The following TBCK variants were observed in gnomAD, a reference collection of about 807,000 sequenced individuals.
TBCK encodes TBC1 domain containing kinase, also known as TBC domain-containing protein kinase-like protein.
In TBCK, 99 loss-of-function variants were observed where a neutral mutation model predicts 113.4. That is an observed-to-expected ratio of 0.87 (90% CI 0.74 to 1.03). The LOEUF (loss-of-function observed/expected upper bound fraction) is 1.03. TBCK is among the 50% of genes least tolerant of loss of function. The pLI, the probability that TBCK is intolerant of heterozygous loss-of-function variation, is 0.00. For missense variants in TBCK, 1,045 were observed against 1,061.3 expected (o/e 0.98, Z 0.21); for synonymous variants, 369 against 370.8 (o/e 1.00, Z 0.05).
chr4:106,118,272 T>A (rs1170432515), intron 23 of TBCK, among the ~76,000 whole-genome samples: 1 of 152,180 alleles, frequency 6.6e-6, no homozygotes, highest in Non-Finnish European at 1.5e-5. Context: ...TGGTTTTCAA[T>A]TGGAGTTTCA....
At chr4:106,219,941 A>T (rs906465418) in intron 19 of TBCK, among the ~76,000 whole-genome samples, 1 of 152,238 alleles carries the variant, frequency 6.6e-6, no homozygotes, top group Non-Finnish European at 1.5e-5. Context: ...TGGTGAAAAT[A>T]ATCTTCAAAA....
intron 24 of TBCK, among the ~76,000 whole-genome samples, chr4:106,103,115 A>C (rs752130040): frequency 1.3e-5 from 2 of 152,228 alleles, no homozygotes; most frequent in African/African-American, 4.8e-5. Flanking sequence ...GAATGAATTA[A>C]ATATTATAAA....
intron 3 of TBCK, among the ~76,000 whole-genome samples, chr4:106,268,726 A>G (rs1013344964): frequency 6.6e-6 from 1 of 152,124 alleles, no homozygotes; most frequent in Non-Finnish European, 1.5e-5. Context: ...AAAACTGTAA[A>G]TTAGACTAAA....
intron 20 of TBCK, among the ~76,000 whole-genome samples, chr4:106,196,786 C>T (rs1754288578): frequency 6.6e-6 from 1 of 152,026 alleles, no homozygotes; most frequent in African/African-American, 2.4e-5. Flanking sequence ...AGTTTCATTG[C>T]TATTATTCAA....
intron 23 of TBCK, among the ~76,000 whole-genome samples, chr4:106,122,807 C>T (rs935247774): frequency 1.3e-5 from 2 of 152,032 alleles, no homozygotes; most frequent in Non-Finnish European, 2.9e-5. Context: ...CAGAAAAAGC[C>T]TTTGACAAAA....
chr4:106,289,780 GAA>G (rs78336547), intron 3 of TBCK, among the ~76,000 whole-genome samples: 2 of 130,830 alleles, frequency 1.5e-5, no homozygotes, highest in African/African-American at 5.5e-5. Context: ...AAAAAAAAAA[GAA>G]AAAAAAAAAG....
At chr4:106,298,634 G>A (rs983012424) in intron 2 of TBCK, among the ~76,000 whole-genome samples, 1 of 151,820 alleles carries the variant, frequency 6.6e-6, no homozygotes, top group African/African-American at 2.4e-5. Context: ...AAAAGAAGAC[G>A]AAAAGTGCTT....
chr4:106,243,587 CCAAA>C (rs1483100558), intron 11 of TBCK, among the ~76,000 whole-genome samples: 1 of 150,866 alleles, frequency 6.6e-6, no homozygotes, highest in Non-Finnish European at 1.5e-5. Flanking sequence ...ACTAGTCAAT[CCAAA>C]CAATACAAAA....
intron 23 of TBCK, among the ~76,000 whole-genome samples, chr4:106,143,832 T>G (rs1747433930): frequency 6.6e-6 from 1 of 151,550 alleles, no homozygotes; most frequent in African/African-American, 2.4e-5. Flanking sequence ...GAGAATCGCT[T>G]GAACCCAGGA....
At chr4:106,098,670 G>C (rs1741210465) in intron 24 of TBCK, among the ~76,000 whole-genome samples, 1 of 152,062 alleles carries the variant, frequency 6.6e-6, no homozygotes, top group South Asian at 2.1e-4. Context: ...TCCAGTTATT[G>C]TAGCAGTCAC....
At chr4:106,078,321 CCAGA>C (rs1297744678) in intron 25 of TBCK, among the ~76,000 whole-genome samples, 6 of 152,002 alleles carry the variant, frequency 3.9e-5, no homozygotes, top group Admixed American at 1.3e-4. Flanking sequence ...ATGCGAAAAT[CCAGA>C]CAAAGTATCA....
chr4:106,225,572 G>C (rs1277550703), intron 19 of TBCK, among the ~76,000 whole-genome samples: 1 of 152,070 alleles, frequency 6.6e-6, no homozygotes, highest in African/African-American at 2.4e-5. Flanking sequence ...TGATTCTCCT[G>C]CCTCAGCCTC....
At chr4:106,143,299 C>T (rs1283844518) in intron 23 of TBCK, among the ~76,000 whole-genome samples, 1 of 152,128 alleles carries the variant, frequency 6.6e-6, no homozygotes, top group African/African-American at 2.4e-5. Flanking sequence ...GGGCACTGCT[C>T]AATTCAGAAG....
intron 3 of TBCK, among the ~76,000 whole-genome samples, chr4:106,267,920 G>A (rs767304783): frequency 6.6e-6 from 1 of 151,958 alleles, no homozygotes; most frequent in South Asian, 2.1e-4. Context: ...GGAAGACTTC[G>A]TATGTTCACA....
intron 25 of TBCK, among the ~76,000 whole-genome samples, chr4:106,084,608 CGAG>C (rs1487298322): frequency 2.0e-5 from 3 of 151,882 alleles, no homozygotes; most frequent in Non-Finnish European, 4.4e-5. Context: ...AGATACTCCA[CGAG>C]AAGATCAACC....
intron 25 of TBCK, among the ~76,000 whole-genome samples, chr4:106,059,229 CT>C (rs1735769081): frequency 6.6e-6 from 1 of 151,550 alleles, no homozygotes; most frequent in Non-Finnish European, 1.5e-5. Context: ...AAACAGTACA[CT>C]TAGAGGGTTG....
At chr4:106,092,910 G>A (rs1951911569) in intron 25 of TBCK, among the ~76,000 whole-genome samples, 1 of 152,188 alleles carries the variant, frequency 6.6e-6, no homozygotes, top group African/African-American at 2.4e-5. Context: ...GAGGTGCCAA[G>A]AGTGAGCGAG....
At chr4:106,077,966 G>T (rs1206278621) in intron 25 of TBCK, among the ~76,000 whole-genome samples, 1 of 152,124 alleles carries the variant, frequency 6.6e-6, no homozygotes, top group East Asian at 1.9e-4. Flanking sequence ...TCAGACCACA[G>T]CATAGTAAAA....
chr4:106,231,284 T>C (rs1251374590), intron 18 of TBCK, among the ~76,000 whole-genome samples: 2 of 151,622 alleles, frequency 1.3e-5, no homozygotes, highest in Non-Finnish European at 3.0e-5. Context: ...AGTATATAAG[T>C]ATTAGAATAC....
Sources: gnomAD v4.1 joint callset for allele counts (sites outside exome capture counted in the v4.1 genomes callset) on GRCh38, gnomAD v4.1.1 for gene constraint, MANE v1.5 for transcripts, NCBI Gene and HGNC (gene_info 2026-07-23, HGNC 2026-07-21) for gene names.